The following MLPH variants were observed in gnomAD, a reference collection of about 807,000 sequenced individuals.
MLPH encodes exophilin-3.
A neutral mutation model predicts 72.1 loss-of-function variants in MLPH; 51 were observed. The ratio of observed to expected loss-of-function variants is 0.71; its 90% CI spans 0.56 to 0.89. MLPH has a LOEUF of 0.89. Among genes scored for constraint, MLPH ranks in the 40% least tolerant of loss-of-function variants. The pLI is 0.00. For synonymous variants in MLPH, 301 were observed against 310.1 expected (o/e 0.97, Z 0.31); for missense variants, 743 against 759.9 (o/e 0.98, Z 0.26).
Position 237,542,627 on chromosome 2 carries a change from T to C in MLPH, c.1507T>C (p.Ser503Pro). ...LRAAGLTVKPSGKPRRKSNLP... is the reference protein window; with the variant it reads ...LRAAGLTVKPPGKPRRKSNLP... ...GGCCGCAGGGCTCACGGTGAAGCCC[T>C]CGGGAAAGCCCCGGAGGAAGTCAAA... Residue 503 changes from serine (S) to proline (P), a missense_variant, in exon 12 of 16, where the codon TCG becomes CCG. Transcript: ENST00000264605. 1.3e-6 allele frequency: 2 copies of C among 1,593,942 alleles called. No individual in the cohort carries two copies. The highest frequency in any genetic ancestry group is 1.7e-6 in the Non-Finnish European group (2 of 1,171,514).
intron 4 of MLPH, among the ~76,000 whole-genome samples, chr2:237,517,618 T>C (rs2080070761): frequency 6.6e-6 from 1 of 150,554 alleles, no homozygotes; most frequent in South Asian, 2.1e-4. Context: ...GGTGGGTGGA[T>C]GGATAGATGA....
intron 14 of MLPH, 76 bp downstream of exon 14, chr2:237,549,354 C>CTG (rs1212786531): frequency 4.7e-6 from 6 of 1,277,682 alleles, no homozygotes; most frequent in Admixed American, 3.4e-5. Context: ...AGTCGCAGCT[C>CTG]TGTGTGTTTC....
chr2:237,491,244 C>T (rs1400983759), intron 1 of MLPH, among the ~76,000 whole-genome samples: 1 of 152,182 alleles, frequency 6.6e-6, no homozygotes, highest in African/African-American at 2.4e-5. Flanking sequence ...TTTGAGACTT[C>T]CCCCTGAAAG....
intron 2 of MLPH, among the ~76,000 whole-genome samples, chr2:237,493,786 A>T (rs138076706): frequency 2.6e-5 from 4 of 152,332 alleles, no homozygotes; most frequent in African/African-American, 9.6e-5. Flanking sequence ...CCAGGGTGAT[A>T]TATCCTAAGC....
intron 4 of MLPH, chr2:237,518,256 T>G (rs1388005181): frequency 6.8e-5 from 36 of 529,756 alleles, no homozygotes. Flanking sequence ...GATGGATTGA[T>G]GCATGGATGG....
chr2:237,490,655 G>A (rs567098378), intron 1 of MLPH, among the ~76,000 whole-genome samples: 2 of 152,278 alleles, frequency 1.3e-5, no homozygotes, highest in African/African-American at 2.4e-5. Flanking sequence ...ATAGAATGTC[G>A]GTGAATGCTC....
chr2:237,500,638 C>T (rs779673086), intron 2 of MLPH, among the ~76,000 whole-genome samples: 1 of 152,082 alleles, frequency 6.6e-6, no homozygotes, highest in Non-Finnish European at 1.5e-5. Flanking sequence ...GTTCCACTGA[C>T]ATCTCTGTCC....
chr2:237,517,294 CATGGATGG>C (rs367628756), intron 4 of MLPH, among the ~76,000 whole-genome samples: 1 of 100,480 alleles, frequency 1.0e-5, no homozygotes, highest in East Asian at 3.8e-4. Context: ...TGCATGGATG[CATGGATGG>C]ATGGATGAAC....
At position 237,534,650 on chromosome 2, in the gene MLPH, A is replaced by G. The variant is rs762437769; in HGVS notation, c.1104+3A>G. ...CAGTTGTGCCTCCCTTGGCCAAGGTAACACTGGGGGCTGGGCAAAGAGAAA... is the reference window on the plus strand; with the variant it reads ...CAGTTGTGCCTCCCTTGGCCAAGGTGACACTGGGGGCTGGGCAAAGAGAAA... On this transcript the variant is annotated splice_donor_region_variant and intron_variant, in intron 9 of 15. Coordinates refer to ENST00000264605, the MANE Select transcript of MLPH (RefSeq NM_024101.7). 6 of 1,613,198 alleles carry G rather than the reference A, an allele frequency of 3.7e-6. No individual in the cohort carries two copies. The highest frequency in any genetic ancestry group is 4.5e-5 in the East Asian group (2 of 44,856).
intron 6 of MLPH, among the ~76,000 whole-genome samples, chr2:237,523,864 A>C (rs1325394302): frequency 6.6e-6 from 1 of 152,206 alleles, no homozygotes; most frequent in Non-Finnish European, 1.5e-5. Context: ...AAGATTTGCT[A>C]GAAGTCATCA....
At chr2:237,517,986 GA>G (rs1448522505) in intron 4 of MLPH, 1 of 217,616 alleles carries the variant, frequency 4.6e-6, no homozygotes, top group Non-Finnish European at 9.3e-6. Flanking sequence ...TGGATGGATG[GA>G]TAAATCGATT....
rs963642052 is a variant in MLPH at position 237,505,982 on chromosome 2, C to A, written c.111-4592C>A. 8.3e-5 allele frequency among the ~76,000 whole-genome samples: 10 copies of A among 120,234 alleles called. No individual in the cohort carries two copies. Among genetic ancestry groups the A allele is most frequent in the African/African-American group, 1.7e-4 (2 of 11,810 alleles). The allele number at this position is 120,234 out of a possible 152,430, so 78.9% of individuals were successfully genotyped here. A position where few individuals can be genotyped will look rare whatever the true frequency, so the allele number is the denominator to read the frequency against. On this transcript the variant is annotated intron_variant, in intron 2 of 15. Coordinates refer to ENST00000264605, the MANE Select transcript of MLPH (RefSeq NM_024101.7). The surrounding 1 kb of genome is among the most constrained non-coding windows in gnomAD (Gnocchi z 4.5). ...GGGCTCTGTCTCCCCTGGGAGCTCACTTTCTCGGCCTTTGCCATCATCTCC... is the reference window on the plus strand; with the variant it reads ...GGGCTCTGTCTCCCCTGGGAGCTCAATTTCTCGGCCTTTGCCATCATCTCC...
chr2:237,528,652 T>G (rs1299926504), intron 8 of MLPH, among the ~76,000 whole-genome samples: 1 of 151,990 alleles, frequency 6.6e-6, no homozygotes, highest in African/African-American at 2.4e-5. Flanking sequence ...TGACGTACAA[T>G]TCAGTGACAG....
At chr2:237,498,740 G>C (rs981077979) in intron 2 of MLPH, among the ~76,000 whole-genome samples, 1 of 152,218 alleles carries the variant, frequency 6.6e-6, no homozygotes, top group Non-Finnish European at 1.5e-5. Flanking sequence ...TTTGGGAATG[G>C]GCTGTTTGCT....
rs535521463 is a variant in MLPH, at chr2:237,532,393, T to C, written c.1021-2171T>C. Among the ~76,000 whole-genome samples the C allele has an allele frequency of 1.6e-4, 25 of 152,260 alleles. No homozygotes were observed. In the South Asian group the frequency reaches 5.0e-3, roughly 30 times the overall value. Reference sequence around the variant, plus strand: ...GACAAGGCCCAAGATGGCACAAGCATGTGGTAGGAAGGAAGTTTCTAAGGG... The same window carrying C: ...GACAAGGCCCAAGATGGCACAAGCACGTGGTAGGAAGGAAGTTTCTAAGGG... On this transcript the variant is annotated intron_variant, in intron 8 of 15. Transcript: ENST00000264605.
At chr2:237,502,259 T>C (rs1274310078) in intron 2 of MLPH, among the ~76,000 whole-genome samples, 1 of 152,230 alleles carries the variant, frequency 6.6e-6, no homozygotes, top group Non-Finnish European at 1.5e-5. Context: ...GTTCTACAAA[T>C]ACAAAGTAGG....
chr2:237,524,263 T>C (rs1339059022), intron 6 of MLPH, among the ~76,000 whole-genome samples: 1 of 146,304 alleles, frequency 6.8e-6, no homozygotes, highest in Non-Finnish European at 1.5e-5. Context: ...ATTTCAAGGA[T>C]GCTGTATTAG....
chr2:237,542,921 TGGGGACAGTGGTGAGTGG>T (rs1574900048), intron 12 of MLPH, among the ~76,000 whole-genome samples: 1 of 20,876 alleles, frequency 4.8e-5, no homozygotes, highest in Non-Finnish European at 7.2e-5. Context: ...CAGTGGTGAG[TGGGGACAGTGGTGAGTGG>T]GGGGACAGTG....
chr2:237,508,847 T>C (rs2079830886), intron 2 of MLPH, among the ~76,000 whole-genome samples: 1 of 152,242 alleles, frequency 6.6e-6, no homozygotes, highest in Non-Finnish European at 1.5e-5. Flanking sequence ...TCATTGAGAC[T>C]GCACGTACTT....
Sources: allele counts gnomAD v4.1 joint callset (sites outside exome capture counted in the v4.1 genomes callset), GRCh38; gene constraint gnomAD v4.1.1; non-coding constraint Gnocchi (gnomAD v3.1); transcripts MANE v1.5; gene names NCBI Gene and HGNC (gene_info 2026-07-23, HGNC 2026-07-21).